The following HELB variants were observed in gnomAD, a reference collection of about 807,000 sequenced individuals.
HELB encodes the protein DNA helicase B, also known as DNA 5'-3' helicase B.
Under a neutral mutation model 101.7 loss-of-function variants are expected in HELB, and 96 were observed. The ratio of observed to expected loss-of-function variants is 0.94; its 90% CI spans 0.80 to 1.12. The LOEUF is 1.12. Ranked by LOEUF, HELB falls within the 50% of genes most tolerant of loss-of-function variation. The pLI, the probability that HELB is intolerant of heterozygous loss-of-function variation, is 0.00. For missense variants in HELB, 1,210 were observed against 1,291.9 expected (o/e 0.94, Z 0.97); for synonymous variants, 437 against 459.7 (o/e 0.95, Z 0.63).
At chr12:66,306,594 A>C (rs2053479249) in intron 3 of HELB, 80 bp downstream of exon 3, 1 of 1,076,922 alleles carries the variant, frequency 9.3e-7, no homozygotes, top group Non-Finnish European at 1.3e-6. Flanking sequence ...TTTCTCTTTC[A>C]AAGGAAAAAA....
At chr12:66,308,638 TTGTAGATG>T (rs2053505900) in intron 3 of HELB, among the ~76,000 whole-genome samples, 1 of 152,330 alleles carries the variant, frequency 6.6e-6, no homozygotes, top group South Asian at 2.1e-4. Context: ...TCTCCTTGGC[TTGTAGATG>T]GTCATTATCT....
chr12:66,327,505 C>T (rs780572209), intron 11 of HELB, among the ~76,000 whole-genome samples: 1 of 151,844 alleles, frequency 6.6e-6, no homozygotes, highest in African/African-American at 2.4e-5. Context: ...TTAATAAGAA[C>T]GAATGAAGAG....
In HELB at chr12:66,310,267, C is replaced by A; in HGVS notation, c.1339C>A (p.Gln447Lys). 1 of 1,614,050 alleles carries A rather than the reference C, an allele frequency of 6.2e-7. No individual in the cohort carries two copies. The highest frequency in any genetic ancestry group is 8.5e-7 in the Non-Finnish European group (1 of 1,180,020). Residue 447 changes from glutamine (Q) to lysine (K), a missense_variant, in exon 4 of 13, where the codon CAG becomes AAG. This residue lies in a region of HELB where 470 missense variants were observed against 563.1 expected (regional missense o/e 0.83). Transcript: ENST00000247815. ...NAEISEVQLD[Q>K]DQVEVPLDRD... Reference sequence around the variant, plus strand: ...AGAAATAAGTGAAGTTCAGCTGGATCAGGATCAGGTTGAAGTTCCACTGGA... The same window carrying A: ...AGAAATAAGTGAAGTTCAGCTGGATAAGGATCAGGTTGAAGTTCCACTGGA...
At chr12:66,339,147 T>C (rs2053898308), downstream of HELB, 1 of 152,188 alleles carries the variant, frequency 6.6e-6, no homozygotes, top group East Asian at 1.9e-4. Flanking sequence ...CAACGTCTGA[T>C]TGCAAAAATT....
At chr12:66,318,118 T>C (rs765970759) in intron 6 of HELB, among the ~76,000 whole-genome samples, 3 of 152,144 alleles carry the variant, frequency 2.0e-5, no homozygotes, top group Non-Finnish European at 2.9e-5. Flanking sequence ...GAGAAGAATA[T>C]AATGTAAACA....
At chr12:66,308,418 A>G (rs1362758586) in intron 3 of HELB, among the ~76,000 whole-genome samples, 1 of 152,228 alleles carries the variant, frequency 6.6e-6, no homozygotes, top group Non-Finnish European at 1.5e-5. Context: ...GCCTGGATGC[A>G]GCATTCTGGG....
intron 3 of HELB, among the ~76,000 whole-genome samples, chr12:66,308,192 C>T (rs1214876103): frequency 2.0e-5 from 3 of 152,140 alleles, no homozygotes; most frequent in Middle Eastern, 3.2e-3. Context: ...GCTTCCCACC[C>T]TAGCAAGAGG....
downstream of HELB, chr12:66,338,370 G>A (rs978970220): frequency 2.9e-5 from 7 of 244,038 alleles, no homozygotes; most frequent in Non-Finnish European, 3.1e-5. Flanking sequence ...AGCCAGGCAC[G>A]GTGGCTCATG....
Position 66,304,775 on chromosome 12 carries a change from G to A in HELB, c.232G>A (p.Gly78Arg). ...ENTQETCKVF[G>R]RFPITGAWWR... is the part of the protein sequence containing the mutation. ...CACACAAGAGACATGTAAAGTGTTT[G>A]GACGTTTTCCGATAACAGGTGCTTG... is the stretch of plus-strand genomic sequence containing the variant. The change falls in exon 2 of 13, where the codon GGA becomes AGA. Residue 78 changes from glycine (G) to arginine (R), a missense_variant. By Grantham distance (125) the Gly-to-Arg change is moderately radical. This residue lies in a region of HELB where 470 missense variants were observed against 563.1 expected (regional missense o/e 0.83). Coordinates refer to ENST00000247815, the MANE Select transcript of HELB (RefSeq NM_001370285.1). The A allele has an allele frequency of 1.2e-6, 2 of 1,613,804 alleles. No individual in the cohort carries two copies. The highest frequency in any genetic ancestry group is 1.7e-6 in the Non-Finnish European group (2 of 1,179,900).
Position 66,306,928 on chromosome 12 carries a change from C to T in HELB, c.777+414C>T, listed in dbSNP as rs140979021. Among the ~76,000 whole-genome samples, 25 of 152,326 alleles carry T rather than the reference C, an allele frequency of 1.6e-4. No homozygotes were observed. The East Asian group carries it at 4.4e-3, about 27-fold the overall frequency. On this transcript the variant is annotated intron_variant, in intron 3 of 12. Coordinates refer to ENST00000247815, the MANE Select transcript of HELB (RefSeq NM_001370285.1). The stretch of plus-strand genomic sequence containing the variant: ...CTCAATTTCCCACTTCCAGTTTGAA[C>T]TATTGACAATTTTCATTATTCATGT...
chr12:66,332,329 T>C (rs1234150201), intron 12 of HELB, among the ~76,000 whole-genome samples: 1 of 152,230 alleles, frequency 6.6e-6, no homozygotes, highest in African/African-American at 2.4e-5. Flanking sequence ...ATTCTCGTAA[T>C]GTAGCATTCC....
chr12:66,318,243 C>T (rs1317313608), intron 6 of HELB, among the ~76,000 whole-genome samples: 1 of 152,106 alleles, frequency 6.6e-6, no homozygotes, highest in African/African-American at 2.4e-5. Context: ...CTTGGGCAAC[C>T]CACTATACTT....
chr12:66,326,333 C>G (rs942423171), intron 11 of HELB, among the ~76,000 whole-genome samples: 1 of 151,988 alleles, frequency 6.6e-6, no homozygotes, highest in Non-Finnish European at 1.5e-5. Context: ...AGTTCCGCCT[C>G]CCAGGTTCAA....
chr12:66,340,189 T>G (rs1473303067), downstream of HELB: 4 of 152,204 alleles, frequency 2.6e-5, no homozygotes, highest in Non-Finnish European at 4.4e-5. Flanking sequence ...TTTGAGGCAC[T>G]GCCAGACTTT....
Position 66,315,391 on chromosome 12 carries a change from A to C in HELB, c.2000+8A>C, listed in dbSNP as rs770590380. 6.5e-7 allele frequency: 1 copy of C among 1,542,448 alleles called. No individual in the cohort carries two copies. Among genetic ancestry groups the C allele is most frequent in the South Asian group, 1.3e-5 (1 of 79,408 alleles). On this transcript the variant is annotated splice_region_variant and intron_variant, in intron 6 of 12. Coordinates refer to ENST00000247815, the MANE Select transcript of HELB (RefSeq NM_001370285.1). The stretch of plus-strand genomic sequence containing the variant: ...TGTGGACAATGCTACAAGGTATAAT[A>C]TTACTAAGAGTTTGCATTTTCTGTC...
intron 11 of HELB, 82 bp downstream of exon 11, chr12:66,325,208 C>A: frequency 2.2e-6 from 2 of 914,716 alleles, no homozygotes; most frequent in South Asian, 1.7e-5. Context: ...ATTTTTGTTG[C>A]ACTTATTAGC....
intron 12 of HELB, among the ~76,000 whole-genome samples, chr12:66,332,500 A>G (rs1274102399): frequency 6.6e-6 from 1 of 152,168 alleles, no homozygotes; most frequent in Non-Finnish European, 1.5e-5. Flanking sequence ...CATTCCATGA[A>G]TCCTCCCTTT....
At position 66,310,445 on chromosome 12, in the gene HELB, A is replaced by G. The variant is rs75770066; in HGVS notation, c.1517A>G (p.Asp506Gly). ...AGAGAAGTAAAAAAAGCCTGTGAAGATTTTGAACAAGACCAGAATGCTTCA... is the reference window on the plus strand; with the variant it reads ...AGAGAAGTAAAAAAAGCCTGTGAAGGTTTTGAACAAGACCAGAATGCTTCA... ...EEREVKKACE[D>G]FEQDQNASEE... The change falls in exon 4 of 13, where the codon GAT (aspartate) becomes GGT (glycine). Residue 506 changes from aspartate (D) to glycine (G), a missense_variant. Physicochemically the swap from Asp to Gly is moderately conservative, Grantham distance 94. This residue lies in a region of HELB where 740 missense variants were observed against 728.8 expected (regional missense o/e 1.02). Coordinates refer to ENST00000247815, the MANE Select transcript of HELB (RefSeq NM_001370285.1). 52,584 of 1,614,078 alleles carry G rather than the reference A, an allele frequency of 0.033. 1,080 individuals carry two copies. The highest frequency in any genetic ancestry group is 0.061 in the South Asian group (5,582 of 91,080).
At chr12:66,312,855 T>G (rs1442165221) in intron 4 of HELB, among the ~76,000 whole-genome samples, 2 of 152,172 alleles carry the variant, frequency 1.3e-5, no homozygotes, top group Admixed American at 1.3e-4. Flanking sequence ...CTAAAGTCAT[T>G]TATTGTGTAT....
Sources: gnomAD v4.1 joint callset for allele counts (sites outside exome capture counted in the v4.1 genomes callset) on GRCh38, gnomAD v4.1.1 for gene constraint, gnomAD v4.1.1 regional missense constraint, MANE v1.5 for transcripts, NCBI Gene and HGNC (gene_info 2026-07-23, HGNC 2026-07-21) for gene names.